Variants in LPP observed in about 807,000 individuals in gnomAD.
LPP encodes the protein LIM domain containing preferred translocation partner in lipoma, also known as lipoma-preferred partner.
In LPP, 38 loss-of-function variants were observed where a neutral mutation model predicts 60.4. That is an observed-to-expected ratio of 0.63 (90% confidence interval 0.49 to 0.83). The LOEUF (loss-of-function observed/expected upper bound fraction) is 0.83, where lower values mean the gene tolerates loss of function less well. Ranked by LOEUF, LPP falls within the 40% of genes least tolerant of loss-of-function variation. The pLI is 0.00. For missense variants in LPP, 902 were observed against 783.6 expected (o/e 1.15, Z -1.80); for synonymous variants, 328 against 290.8 (o/e 1.13, Z -1.30).
intron 7 of LPP, among the ~76,000 whole-genome samples, chr3:188,637,929 A>G (rs1849173678): frequency 6.7e-6 from 1 of 149,984 alleles, no homozygotes; most frequent in South Asian, 2.2e-4. Flanking sequence ...GAATTCTACC[A>G]AAGGTACAAG....
chr3:188,322,450 G>T (rs12486769), intron 2 of LPP, among the ~76,000 whole-genome samples: 1 of 152,050 alleles, frequency 6.6e-6, no homozygotes, highest in Admixed American at 6.5e-5. Flanking sequence ...TCCTAGTTAG[G>T]CATGGAAGAG....
rs527933512 is a variant in LPP at position 188,538,890 on chromosome 3, A to G, written c.429+14103A>G. Among the ~76,000 whole-genome samples the G allele has an allele frequency of 4.6e-5, 7 of 152,346 alleles. No homozygotes were observed. The South Asian group carries it at 1.2e-3, about 27-fold the overall frequency. The stretch of plus-strand genomic sequence containing the variant: ...CTGCAACATGCTACGATATGGATGA[A>G]CCTGGGAAACATTATGCTATACGAA... On this transcript the variant is annotated intron_variant, in intron 6 of 11. Transcript: ENST00000617246.
intron 9 of LPP, among the ~76,000 whole-genome samples, chr3:188,832,058 G>T (rs1757270961): frequency 6.6e-6 from 1 of 152,198 alleles, no homozygotes; most frequent in Non-Finnish European, 1.5e-5. Context: ...GCTCTAGGGT[G>T]ACTTCCAATG....
At chr3:188,744,518 A>G (rs897849477) in intron 8 of LPP, among the ~76,000 whole-genome samples, 6 of 152,188 alleles carry the variant, frequency 3.9e-5, no homozygotes, top group African/African-American at 7.2e-5. Flanking sequence ...TTAGCTCTGC[A>G]TGTATTCATT....
At chr3:188,236,104 A>G (rs569635340) in intron 2 of LPP, among the ~76,000 whole-genome samples, 29 of 152,352 alleles carry the variant, frequency 1.9e-4, no homozygotes, top group Admixed American at 1.9e-3. Flanking sequence ...CAGAAAAATT[A>G]ATGAGTAAAT....
Position 188,182,764 on chromosome 3 carries a change from T to TAAATATGTGCATATATATAC in LPP, c.-190+28513_-190+28514insAATATGTGCATATATATACA. Among the ~76,000 whole-genome samples, 1 of 140,306 alleles carries TAAATATGTGCATATATATAC rather than the reference T, an allele frequency of 7.1e-6. No individual in the cohort carries two copies. Among genetic ancestry groups the TAAATATGTGCATATATATAC allele is most frequent in the African/African-American group, 2.6e-5 (1 of 39,130 alleles). The allele number at this position is 140,306 out of a possible 152,430, so 92.0% of individuals were successfully genotyped here. ...TATATATACATATATGTACATATAT[T>TAAATATGTGCATATATATAC]ATATATGTGCATATATAATATATGT... On this transcript the variant is annotated intron_variant, in intron 1 of 11. Coordinates refer to ENST00000617246, the MANE Select transcript of LPP (RefSeq NM_001375462.1). This position sits in a 1 kb window ranked among gnomAD's most constrained non-coding sequence, Gnocchi z 4.4.
At chr3:188,662,790 G>C (rs1854880050) in intron 7 of LPP, among the ~76,000 whole-genome samples, 2 of 152,196 alleles carry the variant, frequency 1.3e-5, no homozygotes, top group South Asian at 4.1e-4. Flanking sequence ...ACACATTCGT[G>C]AATTTCTCAA....
chr3:188,645,855 CA>C (rs1851015897), intron 7 of LPP, among the ~76,000 whole-genome samples: 1 of 149,930 alleles, frequency 6.7e-6, no homozygotes, highest in African/African-American at 2.4e-5. Flanking sequence ...TTATATCAGA[CA>C]AATGGATCTG....
At chr3:188,240,211 A>C (rs536267592) in intron 2 of LPP, 1 of 178,520 alleles carries the variant, frequency 5.6e-6, no homozygotes, top group East Asian at 9.4e-5. Flanking sequence ...TTCCTTTCAT[A>C]AACTAATTTA....
intron 7 of LPP, among the ~76,000 whole-genome samples, chr3:188,674,571 T>C (rs1390255145): frequency 6.6e-6 from 1 of 152,180 alleles, no homozygotes; most frequent in Admixed American, 6.5e-5. Flanking sequence ...CATAATCTCA[T>C]GATTTTAGTA....
intron 6 of LPP, among the ~76,000 whole-genome samples, chr3:188,582,669 C>T (rs1006892911): frequency 2.6e-5 from 4 of 152,144 alleles, no homozygotes; most frequent in African/African-American, 9.7e-5. Context: ...AACTGCTTAT[C>T]GCTCAGGTGC....
chr3:188,251,327 T>C (rs1729566617), intron 2 of LPP, among the ~76,000 whole-genome samples: 1 of 151,870 alleles, frequency 6.6e-6, no homozygotes, highest in African/African-American at 2.4e-5. Context: ...AAAGATGTTC[T>C]AGTTTGGTCT....
intron 9 of LPP, among the ~76,000 whole-genome samples, chr3:188,803,610 A>T (rs1410802812): frequency 6.6e-6 from 1 of 152,190 alleles, no homozygotes; most frequent in African/African-American, 2.4e-5. Context: ...CATGTTACAG[A>T]CCATATAAAC....
intron 4 of LPP, among the ~76,000 whole-genome samples, chr3:188,448,299 T>G (rs954281080): frequency 2.7e-5 from 4 of 148,270 alleles, no homozygotes; most frequent in African/African-American, 9.9e-5. Flanking sequence ...GGAGATAATA[T>G]TCTCATTTCC....
rs1268002703 is a variant in LPP, at chr3:188,407,780, G to GTTTTTTT, written c.193+1470_193+1471insTTTTTTT. On this transcript the variant is annotated intron_variant, in intron 4 of 11. Transcript: ENST00000617246. The stretch of plus-strand genomic sequence containing the variant: ...TTCCTCATTTATGGTTTTTTTTTTT[G>GTTTTTTT]TTTGTTTGTTTTTTTTTTTTTTTTT... Among the ~76,000 whole-genome samples the GTTTTTTT allele has an allele frequency of 5.6e-3, 532 of 94,636 alleles. 3 individuals carry two copies. The highest frequency in any genetic ancestry group is 8.0e-3 in the Non-Finnish European group (385 of 47,984). The allele number at this position is 94,636 out of a possible 152,430, so 62.1% of individuals were successfully genotyped here.
At chr3:188,844,129 G>T (rs779523846) in intron 9 of LPP, among the ~76,000 whole-genome samples, 4 of 152,130 alleles carry the variant, frequency 2.6e-5, no homozygotes, top group Non-Finnish European at 4.4e-5. Flanking sequence ...CTGCACTATG[G>T]ATTTGTTCTT....
At chr3:188,262,184 C>G (rs975881906) in intron 2 of LPP, among the ~76,000 whole-genome samples, 2 of 152,130 alleles carry the variant, frequency 1.3e-5, no homozygotes, top group African/African-American at 4.8e-5. Flanking sequence ...TGATGATGGT[C>G]TCCAGCCTGC....
intron 7 of LPP, among the ~76,000 whole-genome samples, chr3:188,695,084 T>G (rs1169728610): frequency 6.6e-6 from 1 of 152,208 alleles, no homozygotes; most frequent in Non-Finnish European, 1.5e-5. Flanking sequence ...ATTTGTAAAT[T>G]CAGAATAGAA....
Position 188,340,462 on chromosome 3 carries a change from TC to T in LPP, c.-66-1200del, listed in dbSNP as rs1247894371. Among the ~76,000 whole-genome samples, 20 of 151,802 alleles carry T rather than the reference TC, an allele frequency of 1.3e-4. No individual in the cohort carries two copies. The East Asian group carries it at 3.9e-3, about 29-fold the overall frequency. ...AGGGGTATAGTTGCAGGATCCATGT[TC>T]TTTTCTTAACCTGTTTTGAGTCCTT... is the stretch of plus-strand genomic sequence containing the variant. On this transcript the variant is annotated intron_variant, in intron 2 of 11. Coordinates refer to ENST00000617246, the MANE Select transcript of LPP (RefSeq NM_001375462.1).
Sources: gnomAD v4.1 joint callset for allele counts (sites outside exome capture counted in the v4.1 genomes callset) on GRCh38, gnomAD v4.1.1 for gene constraint, Gnocchi (gnomAD v3.1) non-coding constraint, MANE v1.5 for transcripts, NCBI Gene and HGNC (gene_info 2026-07-23, HGNC 2026-07-21) for gene names.